The following PCDHGA2 variants were observed in gnomAD, a reference collection of about 807,000 sequenced individuals.
PCDHGA2 encodes the protein protocadherin gamma subfamily A, 2.
PCDHGA2 carries 40 observed loss-of-function variants against 59.2 expected under a neutral mutation model. The observed-to-expected ratio is 0.68, with a 90% CI of 0.52 to 0.88. The LOEUF (loss-of-function observed/expected upper bound fraction) is 0.88. Ranked by LOEUF, PCDHGA2 falls within the 40% of genes least tolerant of loss-of-function variation. The pLI, the probability that PCDHGA2 is intolerant of heterozygous loss-of-function variation, is 0.00. For synonymous variants in PCDHGA2, 560 were observed against 526.0 expected, an observed-to-expected ratio of 1.06 and a Z score of -0.89; for missense variants, 1,226 against 1,204.0, an observed-to-expected ratio of 1.02 and a Z score of -0.27.
At position 141,422,424 on chromosome 5, in the gene PCDHGA2, T is replaced by C. The variant is rs1182660567; in HGVS notation, c.2425-72383T>C. The C allele has an allele frequency of 2.5e-6, 4 of 1,608,076 alleles. No homozygotes were observed. The East Asian group carries it at 6.7e-5, about 27-fold the overall frequency. On this transcript the variant is annotated intron_variant, in intron 1 of 3. Transcript: ENST00000394576. ...TGCCTTTTAAATTAGAAAAGACTTA[T>C]GGAAATTATTACAAATTGATAACAA...
chr5:141,374,724 C>A (rs1384151075), intron 1 of PCDHGA2: 1 of 1,610,030 alleles, frequency 6.2e-7, no homozygotes, highest in African/African-American at 1.3e-5. Context: ...GTCCTTACTG[C>A]CATGGATGGC....
At chr5:141,381,269 G>A (rs1777099951) in intron 1 of PCDHGA2, among the ~76,000 whole-genome samples, 1 of 152,224 alleles carries the variant, frequency 6.6e-6, no homozygotes, top group Admixed American at 6.5e-5. Flanking sequence ...AACCAAGACT[G>A]TTTCTTGCCA....
intron 1 of PCDHGA2, among the ~76,000 whole-genome samples, chr5:141,460,912 G>GTGTATATATA (rs145509489): frequency 6.7e-6 from 1 of 149,236 alleles, no homozygotes; most frequent in Non-Finnish European, 1.5e-5. Flanking sequence ...ATTCCATGGT[G>GTGTATATATA]TATATATATA....
intron 1 of PCDHGA2, among the ~76,000 whole-genome samples, chr5:141,454,266 C>T (rs2098785508): frequency 1.3e-5 from 2 of 152,132 alleles, no homozygotes; most frequent in African/African-American, 4.8e-5. Flanking sequence ...AAAGTAATGC[C>T]AGCAAAAACT....
intron 1 of PCDHGA2, chr5:141,345,077 A>T: frequency 1.2e-6 from 2 of 1,613,982 alleles, no homozygotes; most frequent in Non-Finnish European, 1.7e-6. Context: ...CAGAAATTAC[A>T]ATCACGTCTC....
chr5:141,374,291 G>C, intron 1 of PCDHGA2: 1 of 1,613,976 alleles, frequency 6.2e-7, no homozygotes. Context: ...CGTCTCCAGA[G>C]GTAGGATGCA....
At chr5:141,394,705 C>A (rs1245348426) in intron 1 of PCDHGA2, 1 of 1,613,256 alleles carries the variant, frequency 6.2e-7, no homozygotes, top group African/African-American at 1.3e-5. Context: ...ACGGCGCGAG[C>A]CCTGCTGGAC....
intron 1 of PCDHGA2, chr5:141,387,776 A>G: frequency 6.9e-7 from 1 of 1,452,928 alleles, no homozygotes; most frequent in Non-Finnish European, 9.2e-7. Flanking sequence ...TTTTTCTTGA[A>G]CTGGAACTGC....
Position 141,432,038 on chromosome 5 carries a change from C to G in PCDHGA2, c.2425-62769C>G, listed in dbSNP as rs202246871. ...CAACATCACAGTGACCGCCACTGAC[C>G]GGGGAACCCCGCCCCTATCCACGGA... On this transcript the variant is annotated intron_variant, in intron 1 of 3. Transcript: ENST00000394576. This position sits in a 1 kb window ranked among gnomAD's most constrained non-coding sequence, Gnocchi z 6.0. 2 of 1,614,190 alleles carry G rather than the reference C, an allele frequency of 1.2e-6. No homozygotes were observed. The highest frequency in any genetic ancestry group is 8.5e-7 in the Non-Finnish European group (1 of 1,180,032).
intron 1 of PCDHGA2, chr5:141,407,930 C>G: frequency 2.0e-6 from 1 of 498,998 alleles, no homozygotes. Context: ...CGCACGGAGC[C>G]TCTGGGCGCC....
intron 1 of PCDHGA2, chr5:141,400,663 A>T: frequency 4.0e-6 from 4 of 995,312 alleles, no homozygotes; most frequent in Non-Finnish European, 6.0e-6. Flanking sequence ...ACCATTCTTT[A>T]AGAGGAGCAG....
rs1446743849 is a variant in PCDHGA2, at chr5:141,476,288, C to T, written c.2425-18519C>T. The T allele has an allele frequency of 1.3e-5, 21 of 1,613,980 alleles. No individual in the cohort carries two copies. The highest frequency in any genetic ancestry group is 2.2e-5 in the South Asian group (2 of 91,076). On this transcript the variant is annotated intron_variant, in intron 1 of 3. Coordinates refer to ENST00000394576, the MANE Select transcript of PCDHGA2 (RefSeq NM_018915.4). This position sits in a 1 kb window ranked among gnomAD's most constrained non-coding sequence, Gnocchi z 7.6. ...CGTGGTCGCGAACCTTGGTTTGGAT[C>T]TCGGTAGCCTCTCAGCCCGCAGGTT...
chr5:141,391,000 T>C (rs2092286539), intron 1 of PCDHGA2: 1 of 152,230 alleles, frequency 6.6e-6, no homozygotes, highest in Admixed American at 6.5e-5. Flanking sequence ...TTCAAGCTCA[T>C]TCTATATCCT....
intron 1 of PCDHGA2, chr5:141,423,081 C>A: frequency 6.2e-7 from 1 of 1,614,084 alleles, no homozygotes; most frequent in South Asian, 1.1e-5. Context: ...CGGGACTCTT[C>A]GCGGTGGGGG....
At chr5:141,467,924 G>A (rs2099154404) in intron 1 of PCDHGA2, among the ~76,000 whole-genome samples, 1 of 152,042 alleles carries the variant, frequency 6.6e-6, no homozygotes, top group Non-Finnish European at 1.5e-5. Context: ...CTCCCAAAAT[G>A]CTAGGATTAC....
intron 1 of PCDHGA2, chr5:141,375,266 G>GA: frequency 1.9e-6 from 3 of 1,613,846 alleles, no homozygotes; most frequent in Non-Finnish European, 1.7e-6. Context: ...ATTTGAATTG[G>GA]AAAAATCAGT....
Position 141,419,336 on chromosome 5 carries a change from G to A in PCDHGA2, c.2425-75471G>A, listed in dbSNP as rs762064534. 6.8e-6 allele frequency: 11 copies of A among 1,613,772 alleles called. No individual in the cohort carries two copies. In the African/African-American group the frequency reaches 1.3e-4, roughly 20 times the overall value. ...CGGCCGTGTCTCCTACTCTCTCATT[G>A]CCAGCGACCTGGAGTCACGAACGCT... On this transcript the variant is annotated intron_variant, in intron 1 of 3. Coordinates refer to ENST00000394576, the MANE Select transcript of PCDHGA2 (RefSeq NM_018915.4).
chr5:141,415,055 C>A (rs767474996), intron 1 of PCDHGA2: 1 of 1,613,402 alleles, frequency 6.2e-7, no homozygotes, highest in Non-Finnish European at 8.5e-7. Context: ...GGGGAGCACA[C>A]GGGCGAGGTG....
chr5:141,397,047 G>T (rs180929307), intron 1 of PCDHGA2, among the ~76,000 whole-genome samples: 4 of 152,276 alleles, frequency 2.6e-5, no homozygotes, highest in Admixed American at 2.0e-4. Flanking sequence ...TTATGTAAAT[G>T]AACTTATGAG....
Sources: gnomAD v4.1 joint callset for allele counts (sites outside exome capture counted in the v4.1 genomes callset) on GRCh38, gnomAD v4.1.1 for gene constraint, Gnocchi (gnomAD v3.1) non-coding constraint, MANE v1.5 for transcripts, NCBI Gene and HGNC (gene_info 2026-07-23, HGNC 2026-07-21) for gene names.